The following SGSM2 variants were observed in gnomAD, a reference collection of about 807,000 sequenced individuals.
SGSM2 encodes RUN and TBC1 domain containing 1.
In SGSM2, 89 loss-of-function variants were observed where a neutral mutation model predicts 126.6. The observed-to-expected ratio is 0.70, with a 90% CI of 0.59 to 0.84. The LOEUF (loss-of-function observed/expected upper bound fraction) is 0.84. Among genes scored for constraint, SGSM2 ranks in the 40% least tolerant of loss-of-function variants. The probability of loss-of-function intolerance (pLI) is 0.00; values close to 1 mark genes in which losing one functional copy is unlikely to be tolerated. For synonymous variants in SGSM2, 614 were observed against 574.3 expected (o/e 1.07, Z -0.99); for missense variants, 1,404 against 1,416.6 (o/e 0.99, Z 0.14).
At position 2,380,716 on chromosome 17, in the gene SGSM2, G is replaced by T; in HGVS notation, c.*1196G>T. 1 of 234,274 alleles carries T rather than the reference G, an allele frequency of 4.3e-6. No individual in the cohort carries two copies. Among genetic ancestry groups the T allele is most frequent in the South Asian group, 5.5e-5 (1 of 18,024 alleles). The allele number at this position is 234,274 out of a possible 1,614,324, so 14.5% of individuals were successfully genotyped here. On this transcript the variant is annotated 3_prime_UTR_variant, in exon 24 of 24. Transcript: ENST00000268989. Reference sequence around the variant, plus strand: ...GCTAGGCCTTGCCCTGGAACATGGAGGCCCTGCCCGGGGCTGGGGCCTAGT... The same window carrying T: ...GCTAGGCCTTGCCCTGGAACATGGATGCCCTGCCCGGGGCTGGGGCCTAGT...
Position 2,375,761 on chromosome 17 carries a change from C to G in SGSM2, c.2370C>G (p.Pro790=), listed in dbSNP as rs765659955. ...DGGGEEGSSG[P]GPAAHTLREP... Reference sequence around the variant, plus strand: ...GTGGGGAGGAAGGCTCCAGTGGGCCCGGCCCTGCAGCTCACACTTTGAGGG... The same window carrying G: ...GTGGGGAGGAAGGCTCCAGTGGGCCGGGCCCTGCAGCTCACACTTTGAGGG... The change falls in exon 18 of 24, where the codon CCC becomes CCG. Residue 790 remains proline (P), a synonymous_variant. Coordinates refer to ENST00000268989, the MANE Select transcript of SGSM2 (RefSeq NM_014853.3). 6.2e-7 allele frequency: 1 copy of G among 1,601,464 alleles called. No individual in the cohort carries two copies. The highest frequency in any genetic ancestry group is 2.2e-5 in the East Asian group (1 of 44,670).
chr17:2,362,960 G>T lies in SGSM2; in HGVS notation c.527-29G>T. ...ACGGGGCAGGTGCTGAGGGAGCATC[G>T]TCTGGGCTGGCTGTCTCTGTCTCCA... On this transcript the variant is annotated intron_variant, in intron 5 of 23. Coordinates refer to ENST00000268989, the MANE Select transcript of SGSM2 (RefSeq NM_014853.3). This position sits in a 1 kb window ranked among gnomAD's most constrained non-coding sequence, Gnocchi z 4.9. The T allele has an allele frequency of 6.2e-7, 1 of 1,614,052 alleles. No homozygotes were observed. Among genetic ancestry groups the T allele is most frequent in the Non-Finnish European group, 8.5e-7 (1 of 1,179,996 alleles).
intron 16 of SGSM2, 71 bp from the exon 17 acceptor site, chr17:2,373,260 G>T: frequency 6.4e-7 from 1 of 1,563,112 alleles, no homozygotes; most frequent in Non-Finnish European, 8.7e-7. Flanking sequence ...AAGGTCCAGT[G>T]CAGGCCCAGC....
intron 12 of SGSM2, among the ~76,000 whole-genome samples, chr17:2,368,924 G>A (rs1250967662): frequency 1.3e-5 from 2 of 152,152 alleles, no homozygotes; most frequent in Admixed American, 6.5e-5. Context: ...TGGCAGACTC[G>A]GTGATAAAAA....
chr17:2,362,478 A>G lies in SGSM2; in HGVS notation c.458+208A>G, dbSNP rs1179216126. Among the ~76,000 whole-genome samples, 4 of 131,576 alleles carry G rather than the reference A, an allele frequency of 3.0e-5. No homozygotes were observed. The highest frequency in any genetic ancestry group is 4.8e-5 in the Non-Finnish European group (3 of 62,766). The allele number at this position is 131,576 out of a possible 152,430, so 86.3% of individuals were successfully genotyped here. On this transcript the variant is annotated intron_variant, in intron 4 of 23. Coordinates refer to ENST00000268989, the MANE Select transcript of SGSM2 (RefSeq NM_014853.3). The surrounding 1 kb of genome is among the most constrained non-coding windows in gnomAD (Gnocchi z 4.9). ...CCCCGTTCCCCAAAAACTGCAGGTGACCGCCCCGTTCCCCAAAAACTGCAG... is the reference window on the plus strand; with the variant it reads ...CCCCGTTCCCCAAAAACTGCAGGTGGCCGCCCCGTTCCCCAAAAACTGCAG...
Position 2,362,069 on chromosome 17 carries a change from C to T in SGSM2, c.297-40C>T, listed in dbSNP as rs1203511490. The T allele has an allele frequency of 3.1e-6, 5 of 1,589,662 alleles. No homozygotes were observed. Among genetic ancestry groups the T allele is most frequent in the Non-Finnish European group, 4.3e-6 (5 of 1,170,432 alleles). ...AATGCCAGCATTCTGGGGTTTACCC[C>T]TAGACCACTGCACTCCTGGAGCCCT... is the stretch of plus-strand genomic sequence containing the variant. On this transcript the variant is annotated intron_variant, in intron 3 of 23. Transcript: ENST00000268989. The surrounding 1 kb of genome is among the most constrained non-coding windows in gnomAD (Gnocchi z 4.9).
chr17:2,343,430 C>A, intron 1 of SGSM2, 115 bp from the exon 2 acceptor site: 1 of 932,026 alleles, frequency 1.1e-6, no homozygotes, highest in Non-Finnish European at 1.7e-6. Flanking sequence ...GTCATCTCTG[C>A]AAGTGTCTGA....
intron 12 of SGSM2, among the ~76,000 whole-genome samples, chr17:2,369,177 C>T (rs767339263): frequency 4.6e-5 from 7 of 152,238 alleles, no homozygotes; most frequent in Non-Finnish European, 1.0e-4. Context: ...ACCTCCACTC[C>T]AGTCCATAAT....
intron 2 of SGSM2, among the ~76,000 whole-genome samples, chr17:2,349,742 G>A (rs1385210416): frequency 1.3e-5 from 2 of 151,722 alleles, no homozygotes; most frequent in African/African-American, 4.8e-5. Context: ...CTGTTATACT[G>A]TCCCCTTTTC....
At chr17:2,357,397 G>T (rs1430266370) in intron 2 of SGSM2, among the ~76,000 whole-genome samples, 2 of 152,110 alleles carry the variant, frequency 1.3e-5, no homozygotes, top group Non-Finnish European at 2.9e-5. Context: ...AGTGGATAAA[G>T]AAACTGATAA....
At chr17:2,377,498 A>AAAAAAAGAAAAAAAAAAAAC in intron 21 of SGSM2, 5 of 187,744 alleles carry the variant, frequency 2.7e-5, no homozygotes, top group South Asian at 2.2e-4. Flanking sequence ...AAAAAAAAAA[A>AAAAAAAGAAAAAAAAAAAAC]AACCATGGTT....
chr17:2,352,225 C>CA (rs2064885698), intron 2 of SGSM2, among the ~76,000 whole-genome samples: 1 of 152,232 alleles, frequency 6.6e-6, no homozygotes, highest in Admixed American at 6.5e-5. Context: ...TCCTCTCCGG[C>CA]ATTGTTGGTT....
rs1325685006 is a variant in SGSM2 at position 2,367,420 on chromosome 17, C to T, written c.1423+15C>T. ...TCCGATGAAAGGTTCTTATCCCTCC[C>T]TCTCCCTGACCCACCTCATCCCCAC... On this transcript the variant is annotated intron_variant, in intron 12 of 23. Transcript: ENST00000268989. This position sits in a 1 kb window ranked among gnomAD's most constrained non-coding sequence, Gnocchi z 4.0. 2.5e-6 allele frequency: 4 copies of T among 1,609,168 alleles called. No homozygotes were observed. The highest frequency in any genetic ancestry group is 1.7e-5 in the Admixed American group (1 of 59,866).
At chr17:2,364,452 G>A in intron 8 of SGSM2, 144 bp from the exon 9 acceptor site, 4 of 911,008 alleles carry the variant, frequency 4.4e-6, no homozygotes, top group Non-Finnish European at 5.2e-6. Flanking sequence ...AGATCTCAGG[G>A]GTCATGGCTG....
chr17:2,366,355 T>C (rs909711847), intron 11 of SGSM2, among the ~76,000 whole-genome samples: 1 of 152,192 alleles, frequency 6.6e-6, no homozygotes, highest in African/African-American at 2.4e-5. Context: ...CTTGCTTTTC[T>C]TACAGATAAG....
At chr17:2,376,440 G>C (rs2066157648) in intron 19 of SGSM2, 179 bp downstream of exon 19, 2 of 744,474 alleles carry the variant, frequency 2.7e-6, no homozygotes, top group Non-Finnish European at 4.3e-6. Flanking sequence ...ATTCTTAGGG[G>C]CCTACCAGAC....
chr17:2,367,078 A>C lies in SGSM2; in HGVS notation c.1289-193A>C. ...AAGAGTGAGGTTCTGCAGCTGCCCC[A>C]GCCCCTCGCCTCCTTCCACACTCTC... On this transcript the variant is annotated intron_variant, in intron 11 of 23. Coordinates refer to ENST00000268989, the MANE Select transcript of SGSM2 (RefSeq NM_014853.3). The surrounding 1 kb of genome is among the most constrained non-coding windows in gnomAD (Gnocchi z 4.0). 1 of 598,370 alleles carries C rather than the reference A, an allele frequency of 1.7e-6. No homozygotes were observed. The highest frequency in any genetic ancestry group is 2.9e-6 in the Non-Finnish European group (1 of 348,214). 37.1% of individuals were successfully genotyped at this position (598,370 alleles called of 1,614,324 possible). A position where few individuals can be genotyped will look rare whatever the true frequency, so the allele number is the denominator to read the frequency against.
intron 2 of SGSM2, among the ~76,000 whole-genome samples, chr17:2,345,714 C>G (rs573513957): frequency 6.6e-6 from 1 of 152,162 alleles, no homozygotes; most frequent in East Asian, 1.9e-4. Flanking sequence ...TGTGCAGCCT[C>G]TGTTTTGGGT....
rs763204954 is a variant in SGSM2, at chr17:2,363,479, C to T, written c.687C>T (p.His229=). 25 of 1,613,394 alleles carry T rather than the reference C, an allele frequency of 1.5e-5. No homozygotes were observed. Among genetic ancestry groups the T allele is most frequent in the Middle Eastern group, 1.6e-4 (1 of 6,062 alleles). ...CTTCCACACAGATCCGGAAACGGCACTCAAGCGGCAGCGCGTCGGAGGACA... is the reference window on the plus strand; with the variant it reads ...CTTCCACACAGATCCGGAAACGGCATTCAAGCGGCAGCGCGTCGGAGGACA... ...KRPALGIRKR[H]SSGSASEDRL... Residue 229 remains histidine, a synonymous_variant, in exon 7 of 24, where the codon CAC becomes CAT. Coordinates refer to ENST00000268989, the MANE Select transcript of SGSM2 (RefSeq NM_014853.3). The surrounding 1 kb of genome is among the most constrained non-coding windows in gnomAD (Gnocchi z 4.2).
Sources: allele counts gnomAD v4.1 joint callset (sites outside exome capture counted in the v4.1 genomes callset), GRCh38; gene constraint gnomAD v4.1.1; non-coding constraint Gnocchi (gnomAD v3.1); transcripts MANE v1.5; gene names NCBI Gene and HGNC (gene_info 2026-07-23, HGNC 2026-07-21).